The following DLG2 variants were observed in gnomAD, a reference collection of about 807,000 sequenced individuals.
DLG2 encodes disks large homolog 2.
A neutral mutation model predicts 132.5 loss-of-function variants in DLG2; 45 were observed. The observed-to-expected ratio is 0.34, with a 90% CI of 0.27 to 0.44. DLG2 has a LOEUF of 0.44. Ranked by LOEUF, DLG2 falls within the 20% of genes least tolerant of loss-of-function variation. The pLI, the probability that DLG2 is intolerant of heterozygous loss-of-function variation, is 1.00. For missense variants in DLG2, 1,045 were observed against 1,196.9 expected, an observed-to-expected ratio of 0.87 and a Z score of 1.87; for synonymous variants, 424 against 419.6, an observed-to-expected ratio of 1.01 and a Z score of -0.13.
At chr11:85,089,532 G>A (rs1312442414) in intron 6 of DLG2, among the ~76,000 whole-genome samples, 3 of 152,114 alleles carry the variant, frequency 2.0e-5, no homozygotes, top group Non-Finnish European at 4.4e-5. Context: ...GTCCACTGTT[G>A]ATGGACACCT....
chr11:84,364,745 C>T (rs2098671533), intron 7 of DLG2, among the ~76,000 whole-genome samples: 1 of 152,050 alleles, frequency 6.6e-6, no homozygotes, highest in African/African-American at 2.4e-5. Context: ...TGTCAAAGGC[C>T]TTTTCTGCAT....
intron 6 of DLG2, among the ~76,000 whole-genome samples, chr11:84,711,333 A>ATT (rs2060399715): frequency 8.0e-5 from 3 of 37,616 alleles, no homozygotes; most frequent in Non-Finnish European, 1.4e-4. Context: ...AACCAGTAAG[A>ATT]GAGAGAGAGA....
At chr11:84,662,232 G>A (rs1488943867) in intron 6 of DLG2, among the ~76,000 whole-genome samples, 2 of 111,494 alleles carry the variant, frequency 1.8e-5, no homozygotes, top group East Asian at 5.2e-4. Flanking sequence ...CACTCTTGTT[G>A]CCCAGGCTGG....
chr11:85,567,717 A>G (rs1007780469), intron 3 of DLG2, among the ~76,000 whole-genome samples: 2 of 152,156 alleles, frequency 1.3e-5, no homozygotes, highest in African/African-American at 4.8e-5. Context: ...TTAGGAGGAA[A>G]GCTTTCCGTC....
intron 18 of DLG2, among the ~76,000 whole-genome samples, chr11:83,672,290 T>C (rs1302460049): frequency 6.6e-6 from 1 of 152,094 alleles, no homozygotes; most frequent in Non-Finnish European, 1.5e-5. Context: ...GTTCAAGTGA[T>C]TCTCCTGCCT....
chr11:84,303,446 G>C (rs192781400), intron 7 of DLG2, among the ~76,000 whole-genome samples: 1 of 152,306 alleles, frequency 6.6e-6, no homozygotes, highest in Admixed American at 6.5e-5. Context: ...TATATTTAAT[G>C]ATGAAAATGA....
Position 84,569,972 on chromosome 11 carries a change from T to A in DLG2, c.358-35241A>T, listed in dbSNP as rs564470538. Among the ~76,000 whole-genome samples the A allele has an allele frequency of 3.3e-5, 5 of 152,328 alleles. No homozygotes were observed. The East Asian group carries it at 7.7e-4, about 23-fold the overall frequency. The stretch of plus-strand genomic sequence containing the variant: ...GCCTAATTCTAACTAATTACCTGTG[T>A]TGACATTTGTGTTCTCAGTTATGGG... On this transcript the variant is annotated intron_variant, in intron 6 of 27. Transcript: ENST00000376104.
Position 83,588,580 on chromosome 11 carries a change from C to T in DLG2, c.1940+44631G>A, listed in dbSNP as rs751825368. Among the ~76,000 whole-genome samples the T allele has an allele frequency of 8.4e-3, 1,274 of 151,882 alleles. 14 individuals are homozygous for T. The highest frequency in any genetic ancestry group is 0.02 in the Middle Eastern group (6 of 294). On this transcript the variant is annotated intron_variant, in intron 19 of 27. Coordinates refer to ENST00000376104, the MANE Select transcript of DLG2 (RefSeq NM_001142699.3). ...AAACTGGAAACTCTAAAAAGCAGAG[C>T]GCCTCTCCTCCTCCAAAGGAACGCA...
At chr11:84,174,185 T>A (rs982164325) in intron 8 of DLG2, among the ~76,000 whole-genome samples, 4 of 151,994 alleles carry the variant, frequency 2.6e-5, no homozygotes, top group Non-Finnish European at 5.9e-5. Context: ...TCCTTTACAT[T>A]TGTTATCAAT....
At chr11:84,516,126 CA>C (rs57802333) in intron 7 of DLG2, among the ~76,000 whole-genome samples, 8 of 148,674 alleles carry the variant, frequency 5.4e-5, no homozygotes, top group South Asian at 2.1e-4. Flanking sequence ...ATGTCTACAT[CA>C]AAAAAAAAGA....
chr11:85,151,966 A>G (rs1356631841), intron 5 of DLG2, among the ~76,000 whole-genome samples: 1 of 152,218 alleles, frequency 6.6e-6, no homozygotes, highest in East Asian at 1.9e-4. Flanking sequence ...CATTCCATAA[A>G]ACAAACAAAC....
At chr11:84,877,512 C>CTTTTGTTT (rs2086556415) in intron 6 of DLG2, among the ~76,000 whole-genome samples, 1 of 57,444 alleles carries the variant, frequency 1.7e-5, no homozygotes, top group African/African-American at 7.6e-5. Flanking sequence ...GCAACCCCTG[C>CTTTTGTTT]TTTTTTTTTT....
chr11:84,578,457 T>A (rs1318613388), intron 6 of DLG2, among the ~76,000 whole-genome samples: 1 of 152,190 alleles, frequency 6.6e-6, no homozygotes, highest in Admixed American at 6.5e-5. Context: ...CTTGCATTAG[T>A]GTGACCTGGA....
chr11:84,923,032 T>C (rs757091811), intron 6 of DLG2: 3 of 1,612,442 alleles, frequency 1.9e-6, no homozygotes, highest in Non-Finnish European at 2.5e-6. Context: ...CTGCAGCTGG[T>C]TTAACATGTA....
At chr11:84,322,988 T>C (rs1218407273) in intron 7 of DLG2, among the ~76,000 whole-genome samples, 1 of 152,190 alleles carries the variant, frequency 6.6e-6, no homozygotes, top group East Asian at 1.9e-4. Context: ...ATTTAAAAAA[T>C]ATTAAACAGA....
At chr11:85,288,727 A>C (rs2078711013) in intron 3 of DLG2, among the ~76,000 whole-genome samples, 1 of 152,140 alleles carries the variant, frequency 6.6e-6, no homozygotes, top group Admixed American at 6.6e-5. Context: ...CTGCAGCTAC[A>C]GTCTCTTAAA....
chr11:84,782,438 C>CCACACACACACA (rs10599798), intron 6 of DLG2, among the ~76,000 whole-genome samples: 8 of 147,950 alleles, frequency 5.4e-5, no homozygotes, highest in African/African-American at 2.0e-4. Context: ...ACTACCCCTA[C>CCACACACACACA]CACACACACA....
Position 85,506,616 on chromosome 11 carries a change from TGAG to T in DLG2, c.40+92038_40+92040del, listed in dbSNP as rs570380741. ...ATCATTTCTGTTCTTTTACATTTGC[TGAG>T]GAGTGCTTTACTTCCAACTATGTGG... On this transcript the variant is annotated intron_variant, in intron 3 of 27. Coordinates refer to ENST00000376104, the MANE Select transcript of DLG2 (RefSeq NM_001142699.3). Among the ~76,000 whole-genome samples, 18 of 152,360 alleles carry T rather than the reference TGAG, an allele frequency of 1.2e-4. No homozygotes were observed. The East Asian group carries it at 3.3e-3, about 28-fold the overall frequency.
At chr11:84,455,533 C>G (rs1194334578) in intron 7 of DLG2, among the ~76,000 whole-genome samples, 1 of 151,092 alleles carries the variant, frequency 6.6e-6, no homozygotes, top group Non-Finnish European at 1.5e-5. Context: ...CTAAGAGACC[C>G]TGGGACTGTG....
Sources: gnomAD v4.1 joint callset for allele counts (sites outside exome capture counted in the v4.1 genomes callset) on GRCh38, gnomAD v4.1.1 for gene constraint, MANE v1.5 for transcripts, NCBI Gene and HGNC (gene_info 2026-07-23, HGNC 2026-07-21) for gene names.